Variants in CDH18 observed in about 807,000 individuals in gnomAD.
The protein encoded by CDH18 is cadherin-18.
In CDH18, 31 loss-of-function variants were observed where a neutral mutation model predicts 67.9. That is an observed-to-expected ratio of 0.46 (90% CI 0.34 to 0.62). The LOEUF is 0.62. CDH18 is among the 20% of genes least tolerant of loss of function. The pLI is 0.01. For synonymous variants in CDH18, 362 were observed against 347.2 expected (o/e 1.04, Z -0.48); for missense variants, 890 against 975.5 (o/e 0.91, Z 1.17).
At position 20,511,790 on chromosome 5, in the gene CDH18, T is replaced by C. The variant is rs141949745; in HGVS notation, c.-580+63672A>G. Among the ~76,000 whole-genome samples, 155 of 152,354 alleles carry C rather than the reference T, an allele frequency of 1.0e-3. 3 individuals are homozygous for C. The East Asian group carries it at 0.024, about 24-fold the overall frequency. On this transcript the variant is annotated intron_variant, in intron 1 of 14. Transcript: ENST00000507958. Reference sequence around the variant, plus strand: ...ATACATTTACCTTTTCAGAGTTCAATGTGTTCATTCCTATACAGTGTTTTG... The same window carrying C: ...ATACATTTACCTTTTCAGAGTTCAACGTGTTCATTCCTATACAGTGTTTTG...
intron 4 of CDH18, among the ~76,000 whole-genome samples, chr5:19,727,344 T>C (rs1277136878): frequency 6.6e-6 from 1 of 152,020 alleles, no homozygotes; most frequent in African/African-American, 2.4e-5. Flanking sequence ...CTTATAAAAA[T>C]GAAAAATGTG....
At chr5:20,297,206 TC>T (rs1747610107) in intron 1 of CDH18, among the ~76,000 whole-genome samples, 1 of 152,242 alleles carries the variant, frequency 6.6e-6, no homozygotes, top group Non-Finnish European at 1.5e-5. Flanking sequence ...TATAGGTTTT[TC>T]CCCTTTCTTT....
At chr5:19,477,658 T>C (rs918786484) in intron 12 of CDH18, among the ~76,000 whole-genome samples, 1 of 152,012 alleles carries the variant, frequency 6.6e-6, no homozygotes, top group Non-Finnish European at 1.5e-5. Context: ...TACATATAAA[T>C]AGAGTCAAAT....
chr5:19,735,159 T>TA, intron 4 of CDH18, among the ~76,000 whole-genome samples: 1 of 152,246 alleles, frequency 6.6e-6, no homozygotes, highest in East Asian at 1.9e-4. Context: ...GACAGAAAGT[T>TA]AAACATGGTG....
chr5:20,551,422 G>GA (rs1242192887), intron 1 of CDH18, among the ~76,000 whole-genome samples: 4 of 152,054 alleles, frequency 2.6e-5, no homozygotes, highest in African/African-American at 9.7e-5. Flanking sequence ...GTCTTACCAG[G>GA]AAAAAGACTA....
At chr5:20,310,587 T>C (rs1009736097) in intron 1 of CDH18, among the ~76,000 whole-genome samples, 2 of 152,080 alleles carry the variant, frequency 1.3e-5, no homozygotes, top group Non-Finnish European at 2.9e-5. Flanking sequence ...TAATAAAGAG[T>C]CTAAAAGTGA....
intron 5 of CDH18, among the ~76,000 whole-genome samples, chr5:19,695,927 A>G (rs1425829205): frequency 1.3e-5 from 2 of 152,186 alleles, no homozygotes; most frequent in Non-Finnish European, 2.9e-5. Context: ...AAATAAGATG[A>G]TCTATTTTGC....
chr5:20,102,925 A>G (rs1449724824), intron 2 of CDH18, among the ~76,000 whole-genome samples: 1 of 152,220 alleles, frequency 6.6e-6, no homozygotes, highest in African/African-American at 2.4e-5. Context: ...CAAACCTAAT[A>G]AGTTTTTTAG....
chr5:19,695,177 T>C (rs1762385765), intron 5 of CDH18, among the ~76,000 whole-genome samples: 1 of 152,154 alleles, frequency 6.6e-6, no homozygotes, highest in South Asian at 2.1e-4. Context: ...ATTCCAGATC[T>C]CTGTGTGTGT....
At chr5:20,225,673 G>A (rs925744330) in intron 2 of CDH18, among the ~76,000 whole-genome samples, 2 of 152,066 alleles carry the variant, frequency 1.3e-5, no homozygotes, top group Admixed American at 6.6e-5. Context: ...GTAGGGATTC[G>A]TTAGAGCTTC....
chr5:20,255,063 T>C (rs1257257073), intron 2 of CDH18, among the ~76,000 whole-genome samples: 4 of 152,012 alleles, frequency 2.6e-5, no homozygotes, highest in Admixed American at 2.0e-4. Flanking sequence ...CGCTTATAAA[T>C]GAGAGCTAAA....
chr5:19,972,627 A>C (rs931329685), intron 2 of CDH18, among the ~76,000 whole-genome samples: 1 of 152,058 alleles, frequency 6.6e-6, no homozygotes, highest in South Asian at 2.1e-4. Flanking sequence ...AAAATGACTA[A>C]AATGAATAAG....
intron 5 of CDH18, among the ~76,000 whole-genome samples, chr5:19,713,740 T>G (rs1245734449): frequency 1.3e-5 from 2 of 152,162 alleles, no homozygotes; most frequent in African/African-American, 4.8e-5. Context: ...AGTTTCATTT[T>G]GATTCCCCCA....
intron 2 of CDH18, among the ~76,000 whole-genome samples, chr5:19,879,706 A>G (rs1481341932): frequency 6.6e-6 from 1 of 152,026 alleles, no homozygotes; most frequent in African/African-American, 2.4e-5. Flanking sequence ...AGGAAATGGG[A>G]TATGTGTGCA....
intron 1 of CDH18, among the ~76,000 whole-genome samples, chr5:20,325,259 C>G (rs1168305019): frequency 1.2e-4 from 19 of 152,156 alleles, no homozygotes; most frequent in Admixed American, 1.2e-3. Flanking sequence ...TGAATCCCCC[C>G]AGAACTGAAC....
intron 1 of CDH18, among the ~76,000 whole-genome samples, chr5:20,470,641 T>G (rs138049849): frequency 2.0e-5 from 3 of 152,224 alleles, no homozygotes; most frequent in African/African-American, 7.2e-5. Flanking sequence ...GTGAACTCCT[T>G]CCCCTGTGCA....
intron 1 of CDH18, among the ~76,000 whole-genome samples, chr5:20,353,599 G>A (rs565505790): frequency 4.7e-4 from 71 of 152,270 alleles, no homozygotes; most frequent in Admixed American, 1.2e-3. Flanking sequence ...CTCACCTGGA[G>A]TTCAGGAATT....
At chr5:19,817,462 A>G (rs1002503997) in intron 3 of CDH18, among the ~76,000 whole-genome samples, 52 of 152,162 alleles carry the variant, frequency 3.4e-4, no homozygotes, top group African/African-American at 1.2e-3. Flanking sequence ...AAGTAACAAG[A>G]GACAATAAAT....
At chr5:19,507,654 G>A (rs34335906) in intron 10 of CDH18, among the ~76,000 whole-genome samples, 42,883 of 151,872 alleles carry the variant, frequency 0.28, 6,222 homozygotes, top group South Asian at 0.38. Context: ...CTATCGCAAG[G>A]ACAAAAAACC....
Sources: allele counts gnomAD v4.1 joint callset (sites outside exome capture counted in the v4.1 genomes callset), GRCh38; gene constraint gnomAD v4.1.1; transcripts MANE v1.5; gene names NCBI Gene and HGNC (gene_info 2026-07-23, HGNC 2026-07-21).